Variants in ZNF83 observed in about 807,000 individuals in gnomAD.
ZNF83 encodes the protein zinc finger protein 83.
For missense variants in ZNF83, 552 were observed against 629.9 expected (o/e 0.88, Z 1.32); for synonymous variants, 209 against 213.0 (o/e 0.98, Z 0.17).
At chr19:52,664,880 A>G (rs1413548547) in intron 1 of ZNF83, among the ~76,000 whole-genome samples, 2 of 152,060 alleles carry the variant, frequency 1.3e-5, no homozygotes, top group Non-Finnish European at 2.9e-5. Flanking sequence ...GGCGAAACCC[A>G]CCAGTGAGGC....
chr19:52,687,860 A>G (rs2062073528), intron 1 of ZNF83, among the ~76,000 whole-genome samples: 1 of 150,756 alleles, frequency 6.6e-6, no homozygotes, highest in Admixed American at 6.7e-5. Flanking sequence ...GTATTGTGTA[A>G]TAACAGAAAG....
chr19:52,636,394 C>G (rs1485351578), intron 1 of ZNF83: 1 of 152,042 alleles, frequency 6.6e-6, no homozygotes. Context: ...CACTCCCTAC[C>G]CCACTCTGGG....
chr19:52,636,114 C>A (rs571820948), intron 1 of ZNF83: 2 of 146,642 alleles, frequency 1.4e-5, no homozygotes, highest in African/African-American at 5.1e-5. Context: ...CTGGGAAACA[C>A]AGTGAAACCT....
At chr19:52,671,995 G>A (rs2061732888) in intron 1 of ZNF83, among the ~76,000 whole-genome samples, 1 of 152,116 alleles carries the variant, frequency 6.6e-6, no homozygotes, top group Non-Finnish European at 1.5e-5. Flanking sequence ...CACTTTGGGA[G>A]GTCGAGGCAG....
At chr19:52,629,780 G>A (rs2060883481) in intron 2 of ZNF83, among the ~76,000 whole-genome samples, 1 of 152,094 alleles carries the variant, frequency 6.6e-6, no homozygotes, top group Non-Finnish European at 1.5e-5. Flanking sequence ...AGGTCAAAAG[G>A]CCGTCTTATT....
intron 2 of ZNF83, among the ~76,000 whole-genome samples, chr19:52,634,398 T>C (rs1234658563): frequency 6.6e-6 from 1 of 152,178 alleles, no homozygotes; most frequent in Non-Finnish European, 1.5e-5. Context: ...AAAACACCTG[T>C]TTCAGAAGCC....
intron 1 of ZNF83, among the ~76,000 whole-genome samples, chr19:52,662,037 T>C (rs2061587429): frequency 6.7e-6 from 1 of 149,770 alleles, no homozygotes; most frequent in South Asian, 2.1e-4. Context: ...AGGCAGGAGA[T>C]GAGATCAGGG....
At chr19:52,681,303 C>CAAAAAAAAAAAAAAAAAAAAAAAAAA (rs1189423006) in intron 1 of ZNF83, among the ~76,000 whole-genome samples, 1 of 78,288 alleles carries the variant, frequency 1.3e-5, no homozygotes. Context: ...AAAAAAAAAG[C>CAAAAAAAAAAAAAAAAAAAAAAAAAA]AAACGAACAT....
At chr19:52,677,485 CAAAAAGAA>C (rs1024566167) in intron 1 of ZNF83, among the ~76,000 whole-genome samples, 5 of 150,650 alleles carry the variant, frequency 3.3e-5, no homozygotes, top group Admixed American at 6.6e-5. Flanking sequence ...GACTCTGTCT[CAAAAAGAA>C]AAAAAGAAAA....
At chr19:52,612,468 C>T (rs1381985967) in exon 3 of ZNF83, 4 of 153,222 alleles carry the variant, frequency 2.6e-5, no homozygotes, top group Non-Finnish European at 5.8e-5. Flanking sequence ...TGTGTAGTTA[C>T]TCTCCAGTAT....
intron 2 of ZNF83, among the ~76,000 whole-genome samples, chr19:52,631,910 C>G (rs1458492127): frequency 6.8e-6 from 1 of 146,144 alleles, no homozygotes; most frequent in African/African-American, 2.6e-5. Flanking sequence ...ATCTGCTATT[C>G]TACTACTCCT....
intron 1 of ZNF83, among the ~76,000 whole-genome samples, chr19:52,678,023 A>G (rs1600267580): frequency 1.4e-5 from 2 of 143,170 alleles, no homozygotes; most frequent in East Asian, 3.9e-4. Context: ...TGACAGAGTG[A>G]GACTGTCTCA....
intron 1 of ZNF83, among the ~76,000 whole-genome samples, chr19:52,678,848 G>A (rs2061861374): frequency 6.6e-6 from 1 of 151,978 alleles, no homozygotes; most frequent in South Asian, 2.1e-4. Flanking sequence ...GGTGGTACAT[G>A]CCTGTAATCC....
exon 2 of ZNF83, chr19:52,635,073 A>G (rs1263041934): frequency 9.6e-6 from 7 of 731,592 alleles, no homozygotes; most frequent in Non-Finnish European, 1.7e-5. Flanking sequence ...CACCTGAGGA[A>G]GAACCATTCC....
rs438636 is a variant in ZNF83, at chr19:52,650,257, C to T, written c.-74+5304G>A. Among the ~76,000 whole-genome samples the T allele has an allele frequency of 1.2e-3, 44 of 35,720 alleles. 1 individual carries two copies. The highest frequency in any genetic ancestry group is 1.1e-3 in the African/African-American group (7 of 6,272). The allele number at this position is 35,720 out of a possible 152,430, so 23.4% of individuals were successfully genotyped here. A position where few individuals can be genotyped will look rare whatever the true frequency, so the allele number is the denominator to read the frequency against. On this transcript the variant is annotated intron_variant, in intron 3 of 5. Coordinates refer to the ZNF83 transcript ENST00000594682. The stretch of plus-strand genomic sequence containing the variant: ...ACCAAAACATGAGCTTGTTACTTTT[C>T]TTTCTTTTTTTTTTTTGAGACAGAG...
At chr19:52,647,429 C>T (rs1466423447) in intron 3 of ZNF83, among the ~76,000 whole-genome samples, 1 of 152,056 alleles carries the variant, frequency 6.6e-6, no homozygotes, top group Admixed American at 6.6e-5. Flanking sequence ...TACAGGTGTG[C>T]ACCATCATGC....
chr19:52,653,919 G>A (rs1003201099), intron 3 of ZNF83, among the ~76,000 whole-genome samples: 9 of 152,186 alleles, frequency 5.9e-5, no homozygotes, highest in South Asian at 2.1e-4. Context: ...TTTCTCTCAT[G>A]TGTTCTTCCT....
chr19:52,655,784 A>G (rs2061496450), intron 2 of ZNF83: 2 of 615,882 alleles, frequency 3.2e-6, no homozygotes, highest in Admixed American at 5.3e-5. Context: ...TTGATCCAAG[A>G]CGGTGTTCTG....
chr19:52,688,824 A>C (rs2062092467), intron 1 of ZNF83, among the ~76,000 whole-genome samples: 1 of 152,182 alleles, frequency 6.6e-6, no homozygotes, highest in Non-Finnish European at 1.5e-5. Flanking sequence ...AAATAAAAAG[A>C]AAAGAACAAG....
Sources: gnomAD v4.1 joint callset for allele counts (sites outside exome capture counted in the v4.1 genomes callset) on GRCh38, gnomAD v4.1.1 for gene constraint, MANE v1.5 for transcripts, NCBI Gene and HGNC (gene_info 2026-07-23, HGNC 2026-07-21) for gene names.